The following PARD3B variants were observed in gnomAD, a reference collection of about 807,000 sequenced individuals.
PARD3B encodes the protein par-3 family cell polarity regulator beta.
Under a neutral mutation model 130.2 loss-of-function variants are expected in PARD3B, and 103 were observed. The observed-to-expected ratio is 0.79, with a 90% CI of 0.67 to 0.93. PARD3B has a LOEUF of 0.93. PARD3B is among the 40% of genes least tolerant of loss of function. PARD3B has a pLI of 0.00. For missense variants in PARD3B, 1,609 were observed against 1,499.2 expected, an observed-to-expected ratio of 1.07 and a Z score of -1.21; for synonymous variants, 583 against 553.2, an observed-to-expected ratio of 1.05 and a Z score of -0.76.
intron 2 of PARD3B, among the ~76,000 whole-genome samples, chr2:204,911,788 G>T (rs556896072): frequency 6.6e-6 from 1 of 152,258 alleles, no homozygotes; most frequent in South Asian, 2.1e-4. Flanking sequence ...TGTAACGGTG[G>T]CTATGTTAAC....
At chr2:205,005,711 C>CT (rs1462058608) in intron 3 of PARD3B, among the ~76,000 whole-genome samples, 14 of 151,998 alleles carry the variant, frequency 9.2e-5, no homozygotes, top group African/African-American at 3.1e-4. Flanking sequence ...AGAATGTTAG[C>CT]TAATAAAAGG....
intron 4 of PARD3B, among the ~76,000 whole-genome samples, chr2:205,065,764 C>G (rs1255077647): frequency 6.6e-6 from 1 of 152,106 alleles, no homozygotes; most frequent in South Asian, 2.1e-4. Context: ...TTTTTTGCTT[C>G]TGCTTTAACC....
intron 2 of PARD3B, among the ~76,000 whole-genome samples, chr2:204,723,356 T>C (rs1375526492): frequency 6.6e-6 from 1 of 152,180 alleles, no homozygotes; most frequent in African/African-American, 2.4e-5. Flanking sequence ...TTGTATGTTT[T>C]TGTAATTTTT....
At chr2:204,732,367 A>G (rs948965233) in intron 2 of PARD3B, among the ~76,000 whole-genome samples, 1 of 152,178 alleles carries the variant, frequency 6.6e-6, no homozygotes, top group Non-Finnish European at 1.5e-5. Context: ...TTTTCTAGCT[A>G]TGGTTTTCTC....
At position 205,053,398 on chromosome 2, in the gene PARD3B, G is replaced by A. The variant is rs142365653; in HGVS notation, c.504+5708G>A. ...CATGCCTGTAATCCCAGCACTTTGG[G>A]AGACTGAGGCAGGTGGATCACCTGA... On this transcript the variant is annotated intron_variant, in intron 4 of 22. Transcript: ENST00000406610. 8.6e-3 allele frequency among the ~76,000 whole-genome samples: 1,311 copies of A among 152,156 alleles called. 17 individuals carry two copies. The highest frequency in any genetic ancestry group is 0.03 in the African/African-American group (1,244 of 41,500).
At chr2:204,947,655 C>T (rs955437120) in intron 2 of PARD3B, among the ~76,000 whole-genome samples, 2 of 147,000 alleles carry the variant, frequency 1.4e-5, no homozygotes, top group Non-Finnish European at 1.5e-5. Context: ...CTGACTTTTT[C>T]CAGGCCTTAG....
Position 204,545,477 on chromosome 2 carries a change from C to G in PARD3B, c.-523C>G, listed in dbSNP as rs6761602. ...GCCGGGCCCAGGCCGTCGCCGGGAC[C>G]GCAGGAGCCCAGAGCGCGGGCGCCG... On this transcript the variant is annotated 5_prime_UTR_variant, in exon 1 of 23. Coordinates refer to ENST00000406610, the MANE Select transcript of PARD3B (RefSeq NM_001302769.2). Among the ~76,000 whole-genome samples the G allele has an allele frequency of 6.6e-6, 1 of 152,010 alleles. No homozygotes were observed. Among genetic ancestry groups the G allele is most frequent in the Non-Finnish European group, 1.5e-5 (1 of 67,980 alleles).
chr2:204,756,285 T>C (rs1251451187), intron 2 of PARD3B, among the ~76,000 whole-genome samples: 1 of 152,120 alleles, frequency 6.6e-6, no homozygotes, highest in African/African-American at 2.4e-5. Flanking sequence ...TTGGTGTTTC[T>C]TTATGATATT....
intron 18 of PARD3B, among the ~76,000 whole-genome samples, chr2:205,380,896 A>ATATATATAATATACAAAGAATATAT (rs1553499086): frequency 0.026 from 372 of 14,038 alleles, 18 homozygotes; most frequent in Non-Finnish European, 0.081. Context: ...TATATAAAGA[A>ATATATATAATATACAAAGAATATAT]TATATATAAT....
intron 1 of PARD3B, among the ~76,000 whole-genome samples, chr2:204,562,020 A>T (rs191880198): frequency 1.3e-5 from 2 of 152,272 alleles, no homozygotes; most frequent in African/African-American, 4.8e-5. Context: ...ACTAATAAAG[A>T]CAGAAATATT....
At chr2:205,548,280 A>G (rs2052464199) in intron 21 of PARD3B, among the ~76,000 whole-genome samples, 1 of 152,114 alleles carries the variant, frequency 6.6e-6, no homozygotes, top group African/African-American at 2.4e-5. Context: ...CCAATACTAC[A>G]TCTCTAGTCC....
intron 21 of PARD3B, among the ~76,000 whole-genome samples, chr2:205,517,484 T>C (rs1371265031): frequency 6.6e-6 from 1 of 152,128 alleles, no homozygotes; most frequent in Non-Finnish European, 1.5e-5. Context: ...TCTTTATTAG[T>C]CTAGCTACCA....
intron 18 of PARD3B, among the ~76,000 whole-genome samples, chr2:205,363,031 C>G (rs2044454266): frequency 6.6e-6 from 1 of 151,982 alleles, no homozygotes; most frequent in Non-Finnish European, 1.5e-5. Context: ...GCTCTCTGCC[C>G]CTTGCCAAAG....
At chr2:205,252,838 A>ACCCCCCC (rs35793665) in intron 16 of PARD3B, among the ~76,000 whole-genome samples, 1 of 83,928 alleles carries the variant, frequency 1.2e-5, no homozygotes, top group Non-Finnish European at 2.1e-5. Context: ...ACCTGAAGGG[A>ACCCCCCC]CCCCCCCCCC....
chr2:205,364,083 G>A (rs1350267774), intron 18 of PARD3B, among the ~76,000 whole-genome samples: 2 of 152,096 alleles, frequency 1.3e-5, no homozygotes, highest in African/African-American at 2.4e-5. Context: ...CTAAAATGAA[G>A]TTGAAATAAG....
chr2:205,365,766 C>T (rs2044585341), intron 18 of PARD3B, among the ~76,000 whole-genome samples: 1 of 152,068 alleles, frequency 6.6e-6, no homozygotes, highest in South Asian at 2.1e-4. Context: ...CAAGTCATTT[C>T]TTACTTTCCT....
chr2:205,309,833 C>T lies in PARD3B; in HGVS notation c.2630+8132C>T, dbSNP rs541930061. 1.3e-5 allele frequency among the ~76,000 whole-genome samples: 2 copies of T among 152,090 alleles called. No individual in the cohort carries two copies. The highest frequency in any genetic ancestry group is 6.5e-5 in the Admixed American group (1 of 15,268). ...AGGTTGTTGTAAAATTTAAGTTAAA[C>T]GGTTTAGGTAAGCAAAGCTGTCAGT... On this transcript the variant is annotated intron_variant, in intron 18 of 22. Coordinates refer to ENST00000406610, the MANE Select transcript of PARD3B (RefSeq NM_001302769.2). The surrounding 1 kb of genome is among the most constrained non-coding windows in gnomAD (Gnocchi z 4.7).
chr2:205,486,090 T>C (rs1375723301), intron 20 of PARD3B, among the ~76,000 whole-genome samples: 1 of 152,204 alleles, frequency 6.6e-6, no homozygotes, highest in African/African-American at 2.4e-5. Flanking sequence ...TAAATAAATG[T>C]ACACATCAGA....
At chr2:204,965,700 T>G (rs1019271445) in intron 3 of PARD3B, among the ~76,000 whole-genome samples, 1 of 152,236 alleles carries the variant, frequency 6.6e-6, no homozygotes, top group African/African-American at 2.4e-5. Context: ...TTTATTTTCT[T>G]AGCCTCAGTC....
Sources: allele counts gnomAD v4.1 joint callset (sites outside exome capture counted in the v4.1 genomes callset), GRCh38; gene constraint gnomAD v4.1.1; non-coding constraint Gnocchi (gnomAD v3.1); transcripts MANE v1.5; gene names NCBI Gene and HGNC (gene_info 2026-07-23, HGNC 2026-07-21).